Variants in ALG5 observed in about 807,000 individuals in gnomAD.
The protein encoded by ALG5 is ALG5 dolichyl-phosphate beta-glucosyltransferase, also known as dolichyl-phosphate beta-glucosyltransferase.
A neutral mutation model predicts 51.8 loss-of-function variants in ALG5; 26 were observed. The ratio of observed to expected loss-of-function variants is 0.50; its 90% CI spans 0.37 to 0.70. The LOEUF (loss-of-function observed/expected upper bound fraction) is 0.70. Ranked by LOEUF, ALG5 falls within the 30% of genes least tolerant of loss-of-function variation. ALG5 has a pLI of 0.00. For missense variants in ALG5, 311 were observed against 399.3 expected, an observed-to-expected ratio of 0.78 and a Z score of 1.88; for synonymous variants, 141 against 136.1, an observed-to-expected ratio of 1.04 and a Z score of -0.25.
intron 6 of ALG5, among the ~76,000 whole-genome samples, chr13:36,984,484 T>C (rs1161950796): frequency 6.6e-6 from 1 of 152,250 alleles, no homozygotes; most frequent in Non-Finnish European, 1.5e-5. Flanking sequence ...TTGTTTTATT[T>C]CTTTAGCCAG....
intron 4 of ALG5, among the ~76,000 whole-genome samples, chr13:36,991,564 T>C (rs777386706): frequency 3.3e-5 from 5 of 152,156 alleles, no homozygotes; most frequent in Non-Finnish European, 7.4e-5. Flanking sequence ...CAGTGACAAC[T>C]GTGAAGCCCT....
At chr13:36,992,697 C>G (rs144856166) in intron 4 of ALG5, among the ~76,000 whole-genome samples, 170 of 152,308 alleles carry the variant, frequency 1.1e-3, no homozygotes, top group Non-Finnish European at 1.7e-3. Context: ...TTCTCTTGTA[C>G]TATACCTTGT....
intron 6 of ALG5, 82 bp downstream of exon 6, chr13:36,985,545 A>G (rs2058998307): frequency 1.8e-6 from 2 of 1,094,102 alleles, no homozygotes; most frequent in Non-Finnish European, 2.7e-6. Flanking sequence ...TTTTAAACTG[A>G]TAGGTAAACT....
chr13:36,954,528 A>C (rs1192338480), intron 8 of ALG5, among the ~76,000 whole-genome samples: 1 of 152,128 alleles, frequency 6.6e-6, no homozygotes, highest in Non-Finnish European at 1.5e-5. Context: ...TAAACATTTT[A>C]GAAGACATTT....
chr13:36,980,024 G>A (rs1475895809), intron 6 of ALG5, among the ~76,000 whole-genome samples: 2 of 152,184 alleles, frequency 1.3e-5, no homozygotes, highest in African/African-American at 4.8e-5. Context: ...TCCAGGCTGG[G>A]TGACAGAATG....
Position 36,978,860 on chromosome 13 carries a change from G to A in ALG5, c.561+6767C>T, listed in dbSNP as rs189880406. ...GAACCCAGGAGGCAGAGGCTGCAGT[G>A]AGCTGAGATTGTGCCACTGCACTCC... On this transcript the variant is annotated intron_variant, in intron 6 of 9. Coordinates refer to ENST00000239891, the MANE Select transcript of ALG5 (RefSeq NM_013338.5). Among the ~76,000 whole-genome samples, 663 of 149,346 alleles carry A rather than the reference G, an allele frequency of 4.4e-3. 3 individuals are homozygous for A. Among genetic ancestry groups the A allele is most frequent in the Middle Eastern group, 0.024 (7 of 286 alleles).
At position 36,953,331 on chromosome 13, in the gene ALG5, C is replaced by A. The variant is rs1283017042; in HGVS notation, c.774-732G>T. 2.0e-5 allele frequency among the ~76,000 whole-genome samples: 3 copies of A among 152,168 alleles called. No homozygotes were observed. In the South Asian group the frequency reaches 6.2e-4, roughly 31 times the overall value. On this transcript the variant is annotated intron_variant, in intron 8 of 9. Transcript: ENST00000239891. ...CACTTACGAAAGGTCTTTCTTAAAG[C>A]CTCTTTTCAGTCAGTGCCTTGGCTT...
At chr13:36,993,243 C>G (rs115561724) in intron 4 of ALG5, among the ~76,000 whole-genome samples, 2 of 152,122 alleles carry the variant, frequency 1.3e-5, no homozygotes, top group Non-Finnish European at 2.9e-5. Flanking sequence ...GGGGCTGGTA[C>G]GAAAGCAGCT....
intron 7 of ALG5, among the ~76,000 whole-genome samples, chr13:36,970,551 G>C (rs2058917753): frequency 6.6e-6 from 1 of 151,948 alleles, no homozygotes; most frequent in Admixed American, 6.6e-5. Flanking sequence ...AGTAAGCCGA[G>C]ATTGCGCCAC....
chr13:36,968,857 T>A (rs1483078614), intron 7 of ALG5, among the ~76,000 whole-genome samples: 1 of 152,206 alleles, frequency 6.6e-6, no homozygotes, highest in Non-Finnish European at 1.5e-5. Context: ...GGAGACAACC[T>A]TTTGTGAGAC....
intron 8 of ALG5, among the ~76,000 whole-genome samples, chr13:36,962,954 T>C (rs1240067108): frequency 1.3e-5 from 2 of 152,276 alleles, no homozygotes; most frequent in East Asian, 3.9e-4. Flanking sequence ...TGATCAGCTT[T>C]TTACTTTTTT....
intron 3 of ALG5, 55 bp from the exon 4 acceptor site, chr13:36,993,727 C>A (rs1378938821): frequency 4.3e-6 from 6 of 1,386,656 alleles, no homozygotes; most frequent in Non-Finnish European, 6.1e-6. Flanking sequence ...ATAAAGTATT[C>A]TAATCAAATC....
chr13:36,964,485 G>A lies in ALG5; in HGVS notation c.773+1090C>T, dbSNP rs1320577110. 4.6e-5 allele frequency among the ~76,000 whole-genome samples: 7 copies of A among 152,298 alleles called. 1 individual carries two copies. In the East Asian group the frequency reaches 1.4e-3, roughly 29 times the overall value. On this transcript the variant is annotated intron_variant, in intron 8 of 9. Coordinates refer to ENST00000239891, the MANE Select transcript of ALG5 (RefSeq NM_013338.5). ...GCATGTGGAGAATGTCAGGGCTGAT[G>A]TCAGGGTTTCAGCTTCTGTACAACA...
rs1566055106 is a variant in ALG5 at position 36,950,735 on chromosome 13, G to GC, written c.860-679dup. Among the ~76,000 whole-genome samples, 10 of 151,976 alleles carry GC rather than the reference G, an allele frequency of 6.6e-5. 1 individual carries two copies. The highest frequency in any genetic ancestry group is 2.4e-4 in the African/African-American group (10 of 41,466). On this transcript the variant is annotated intron_variant, in intron 9 of 9. Coordinates refer to ENST00000239891, the MANE Select transcript of ALG5 (RefSeq NM_013338.5). ...CAGTAGCTGGGAGTACAGGAGGCAC[G>GC]CACCACACCTGCCTAATTTTACAAT...
intron 6 of ALG5, 92 bp from the exon 7 acceptor site, chr13:36,972,128 G>T: frequency 2.8e-6 from 3 of 1,073,200 alleles, no homozygotes; most frequent in South Asian, 1.6e-5. Flanking sequence ...TTTAGAAACT[G>T]ATTTTAAAAA....
intron 8 of ALG5, among the ~76,000 whole-genome samples, chr13:36,954,055 C>T (rs941510493): frequency 2.4e-5 from 1 of 42,430 alleles, no homozygotes; most frequent in African/African-American, 1.4e-4. Context: ...ACTGAAATCA[C>T]CTTATATTAA....
chr13:36,991,187 T>C (rs764948655), intron 4 of ALG5, among the ~76,000 whole-genome samples: 16 of 152,162 alleles, frequency 1.1e-4, no homozygotes, highest in Admixed American at 2.0e-4. Context: ...TTGTATGCCT[T>C]TTCTCAGAAC....
In ALG5 at chr13:36,965,655, G is replaced by C; in HGVS notation, c.693C>G (p.Ile231Met). ...FLVWFLCVKG[I>M]RDTQCGFKLF... ...ATTTGAACCCACACTGTGTGTCCCTGATTCCTTTGACACAAAGGAACCACA... is the reference window on the plus strand; with the variant it reads ...ATTTGAACCCACACTGTGTGTCCCTCATTCCTTTGACACAAAGGAACCACA... The change falls in exon 8 of 10, where the codon ATC (isoleucine) becomes ATG (methionine). Residue 231 changes from isoleucine to methionine, a missense_variant. By Grantham distance (10) the Ile-to-Met change is conservative. Transcript: ENST00000239891. 1 of 1,613,972 alleles carries C rather than the reference G, an allele frequency of 6.2e-7. No homozygotes were observed. Among genetic ancestry groups the C allele is most frequent in the Non-Finnish European group, 8.5e-7 (1 of 1,179,904 alleles).
intron 7 of ALG5, among the ~76,000 whole-genome samples, chr13:36,968,444 T>G (rs773173747): frequency 6.6e-6 from 1 of 152,238 alleles, no homozygotes; most frequent in Non-Finnish European, 1.5e-5. Context: ...AAGTAACCAC[T>G]AATGGATTCT....
Sources: gnomAD v4.1 joint callset for allele counts (sites outside exome capture counted in the v4.1 genomes callset) on GRCh38, gnomAD v4.1.1 for gene constraint, MANE v1.5 for transcripts, NCBI Gene and HGNC (gene_info 2026-07-23, HGNC 2026-07-21) for gene names.